The following PUS7 variants were observed in gnomAD, a reference collection of about 807,000 sequenced individuals.
PUS7 encodes pseudouridylate synthase 7 homolog.
A neutral mutation model predicts 79.8 loss-of-function variants in PUS7; 48 were observed. The ratio of observed to expected loss-of-function variants is 0.60; its 90% CI spans 0.48 to 0.76. The LOEUF (loss-of-function observed/expected upper bound fraction) is 0.76. Ranked by LOEUF, PUS7 falls within the 30% of genes least tolerant of loss-of-function variation. The pLI, the probability that PUS7 is intolerant of heterozygous loss-of-function variation, is 0.00. For synonymous variants in PUS7, 286 were observed against 272.2 expected (o/e 1.05, Z -0.50); for missense variants, 729 against 797.6 (o/e 0.91, Z 1.04).
Position 105,506,204 on chromosome 7 carries a change from A to C in PUS7, c.468T>G (p.Ile156Met), listed in dbSNP as rs1396451064. The C allele has an allele frequency of 6.2e-7, 1 of 1,612,620 alleles. No individual in the cohort carries two copies. Among genetic ancestry groups the C allele is most frequent in the African/African-American group, 1.3e-5 (1 of 74,916 alleles). The part of the protein sequence containing the change: ...GRISHLNDLS[I>M]PVDEEDPSED... ...CTACTTCTACCTCCTCATCCACTGGAATGGACAAGTCATTCAAATGGCTGA... is the reference window on the plus strand; with the variant it reads ...CTACTTCTACCTCCTCATCCACTGGCATGGACAAGTCATTCAAATGGCTGA... The change falls in exon 3 of 16, where the codon ATT (isoleucine) becomes ATG (methionine). Residue 156 changes from isoleucine (I) to methionine (M), a missense_variant. Ile to Met is a conservative substitution (Grantham distance 10). Transcript: ENST00000469408.
rs534824191 is a variant in PUS7 at position 105,505,231 on chromosome 7, G to A, written c.585+724C>T. On this transcript the variant is annotated intron_variant, in intron 4 of 15. Coordinates refer to ENST00000469408, the MANE Select transcript of PUS7 (RefSeq NM_019042.5). The stretch of plus-strand genomic sequence containing the variant: ...TTGGCCAGGCTGGTCTTGAACTCCT[G>A]ACCTCAAGTGATCCGCCCACCTTGG... Among the ~76,000 whole-genome samples the A allele has an allele frequency of 4.9e-4, 74 of 152,228 alleles. No homozygotes were observed. In the South Asian group the frequency reaches 0.015, roughly 30 times the overall value.
intron 9 of PUS7, among the ~76,000 whole-genome samples, chr7:105,473,821 A>C (rs1045061895): frequency 3.3e-5 from 5 of 150,768 alleles, no homozygotes; most frequent in Non-Finnish European, 7.4e-5. Flanking sequence ...CCCAAAGTGC[A>C]GGGATTATAG....
Position 105,462,723 on chromosome 7 carries a change from G to C in PUS7, c.1655C>G (p.Thr552Arg). Residue 552 changes from threonine to arginine, a missense_variant, in exon 14 of 16, where the codon ACA becomes AGA. Coordinates refer to ENST00000469408, the MANE Select transcript of PUS7 (RefSeq NM_019042.5). Reference protein sequence around the residue: ...KIQEAYREMLTADNLDIDNMR... With the variant: ...KIQEAYREMLRADNLDIDNMR... ...GTTGTCAATATCAAGATTGTCAGCT[G>C]TGAGCATTTCCCTGTAGGCTTCTTG... 6.2e-7 allele frequency: 1 copy of C among 1,613,552 alleles called. No individual in the cohort carries two copies. Among genetic ancestry groups the C allele is most frequent in the Non-Finnish European group, 8.5e-7 (1 of 1,179,918 alleles).
intron 1 of PUS7, among the ~76,000 whole-genome samples, chr7:105,512,711 C>T (rs879041082): frequency 1.3e-5 from 2 of 152,126 alleles, no homozygotes; most frequent in Non-Finnish European, 2.9e-5. Context: ...GGAGTCACAA[C>T]CTGAAAACCA....
At chr7:105,486,677 G>A (rs1481148498) in intron 7 of PUS7, among the ~76,000 whole-genome samples, 1 of 152,070 alleles carries the variant, frequency 6.6e-6, no homozygotes, top group Non-Finnish European at 1.5e-5. Context: ...TAGAGAGAGT[G>A]TTCCGGAGAC....
chr7:105,474,156 G>T (rs1458056657), intron 9 of PUS7, among the ~76,000 whole-genome samples: 1 of 151,884 alleles, frequency 6.6e-6, no homozygotes, highest in African/African-American at 2.4e-5. Flanking sequence ...GTTAATTATG[G>T]TTCTTTATTT....
intron 10 of PUS7, 114 bp from the exon 11 acceptor site, chr7:105,470,962 G>T: frequency 9.1e-7 from 1 of 1,098,724 alleles, no homozygotes; most frequent in Non-Finnish European, 1.2e-6. Flanking sequence ...AAATATAGGT[G>T]CTGTTTATAG....
At chr7:105,475,386 T>C (rs914892296) in intron 9 of PUS7, among the ~76,000 whole-genome samples, 12 of 152,016 alleles carry the variant, frequency 7.9e-5, no homozygotes, top group East Asian at 1.9e-4. Context: ...GGGGTTTCAC[T>C]GTGTTAGCCA....
At chr7:105,466,495 C>T (rs1023714730) in intron 12 of PUS7, among the ~76,000 whole-genome samples, 3 of 152,070 alleles carry the variant, frequency 2.0e-5, no homozygotes, top group Non-Finnish European at 4.4e-5. Flanking sequence ...TCAAGTGATT[C>T]TGCTGCCCTG....
intron 9 of PUS7, among the ~76,000 whole-genome samples, chr7:105,475,643 C>T (rs1167297829): frequency 6.6e-6 from 1 of 152,068 alleles, no homozygotes; most frequent in African/African-American, 2.4e-5. Context: ...ACTTTTCTTA[C>T]TTTATCTTTC....
At position 105,465,453 on chromosome 7, in the gene PUS7, G is replaced by A. The variant is rs1472725420; in HGVS notation, c.1526-39C>T. ...AGTGAACAATAAATTAAGAAAATAG[G>A]CAATATTGTTATGAACTCAATCTTC... On this transcript the variant is annotated intron_variant, in intron 12 of 15. Transcript: ENST00000469408. 5 of 1,408,602 alleles carry A rather than the reference G, an allele frequency of 3.5e-6. No individual in the cohort carries two copies. The South Asian group carries it at 4.7e-5, about 13-fold the overall frequency. The allele number at this position is 1,408,602 out of a possible 1,614,324, so 87.3% of individuals were successfully genotyped here.
At position 105,457,769 on chromosome 7, in the gene PUS7, A is replaced by C. The variant is rs2133007717; in HGVS notation, c.*21T>G. 6.2e-7 allele frequency: 1 copy of C among 1,609,906 alleles called. No individual in the cohort carries two copies. The highest frequency in any genetic ancestry group is 8.5e-7 in the Non-Finnish European group (1 of 1,177,642). ...AAGCAAACACTTGTGTACGTTTTCT[A>C]ATCTGTGGACAAGGTACTGCTCAGC... is the stretch of plus-strand genomic sequence containing the variant. On this transcript the variant is annotated 3_prime_UTR_variant, in exon 16 of 16. Coordinates refer to ENST00000469408, the MANE Select transcript of PUS7 (RefSeq NM_019042.5).
intron 6 of PUS7, among the ~76,000 whole-genome samples, chr7:105,493,367 C>T (rs1824874520): frequency 6.6e-6 from 1 of 152,232 alleles, no homozygotes. Context: ...CCTCAACTCC[C>T]GATCTTGGAG....
intron 9 of PUS7, among the ~76,000 whole-genome samples, chr7:105,476,218 G>C (rs1181280347): frequency 1.3e-5 from 2 of 151,970 alleles, no homozygotes; most frequent in Admixed American, 6.6e-5. Context: ...TAAACACTTG[G>C]GTTGCCTGGG....
chr7:105,474,893 CA>C (rs1824026858), intron 9 of PUS7, among the ~76,000 whole-genome samples: 1 of 152,214 alleles, frequency 6.6e-6, no homozygotes. Context: ...CAGCCATGCT[CA>C]TTGCTTTGCA....
chr7:105,496,220 T>TAGAGAGAGAGAGAGAG lies in PUS7; in HGVS notation c.731-968_731-967insCTCTCTCTCTCTCTCT, dbSNP rs1350234352. ...ACATATATATATATATATATATATA[T>TAGAGAGAGAGAGAGAG]ATATATAGAGAGAGAGAGAGAGAGA... On this transcript the variant is annotated intron_variant, in intron 5 of 15. Transcript: ENST00000469408. Among the ~76,000 whole-genome samples the TAGAGAGAGAGAGAGAG allele has an allele frequency of 9.6e-5, 8 of 83,300 alleles. No homozygotes were observed. The East Asian group carries it at 1.8e-3, about 19-fold the overall frequency. The allele number at this position is 83,300 out of a possible 152,430, so 54.6% of individuals were successfully genotyped here.
At chr7:105,501,773 G>C (rs1053900349) in intron 5 of PUS7, among the ~76,000 whole-genome samples, 7 of 151,928 alleles carry the variant, frequency 4.6e-5, no homozygotes, top group Admixed American at 3.3e-4. Flanking sequence ...GGCTAACAAG[G>C]TGAAACCCCG....
chr7:105,458,338 G>A (rs1351769385), intron 15 of PUS7, among the ~76,000 whole-genome samples: 2 of 151,544 alleles, frequency 1.3e-5, no homozygotes, highest in Non-Finnish European at 1.5e-5. Flanking sequence ...TCAGCTCACT[G>A]CAGCCTCCAC....
intron 9 of PUS7, among the ~76,000 whole-genome samples, chr7:105,476,123 C>CA (rs958626613): frequency 0.072 from 2,769 of 38,550 alleles, 113 homozygotes; most frequent in East Asian, 0.13. Context: ...GACTCCGTCT[C>CA]AAAAAAAAAA....
Sources: gnomAD v4.1 joint callset for allele counts (sites outside exome capture counted in the v4.1 genomes callset) on GRCh38, gnomAD v4.1.1 for gene constraint, MANE v1.5 for transcripts, NCBI Gene and HGNC (gene_info 2026-07-23, HGNC 2026-07-21) for gene names.